Variants in GARNL3 observed in about 807,000 individuals in gnomAD.
The protein encoded by GARNL3 is GTPase activating Rap/RanGAP domain like 3.
In GARNL3, 63 loss-of-function variants were observed where a neutral mutation model predicts 125.0. That is an observed-to-expected ratio of 0.50 (90% confidence interval 0.41 to 0.62). GARNL3 has a LOEUF of 0.62. Ranked by LOEUF, GARNL3 falls within the 20% of genes least tolerant of loss-of-function variation. The pLI is 0.00. For synonymous variants in GARNL3, 439 were observed against 457.5 expected (o/e 0.96, Z 0.52); for missense variants, 994 against 1,244.0 (o/e 0.80, Z 3.02).
intron 6 of GARNL3, among the ~76,000 whole-genome samples, chr9:127,322,436 CCTATTTATATCA>C (rs1377503199): frequency 1.3e-5 from 2 of 152,128 alleles, no homozygotes; most frequent in Non-Finnish European, 2.9e-5. Context: ...CAGCATTCTG[CCTATTTATATCA>C]CAACTCTGTG....
chr9:127,387,926 G>A (rs368057428), intron 25 of GARNL3, among the ~76,000 whole-genome samples: 8 of 151,934 alleles, frequency 5.3e-5, no homozygotes, highest in African/African-American at 1.5e-4. Context: ...CAGATGGATC[G>A]CTTGAGCCCA....
At chr9:127,271,600 ATTC>A (rs1195510261) in intron 1 of GARNL3, among the ~76,000 whole-genome samples, 1 of 150,430 alleles carries the variant, frequency 6.6e-6, no homozygotes, top group Non-Finnish European at 1.5e-5. Flanking sequence ...ACCATCAACC[ATTC>A]TTCATCACTT....
At chr9:127,286,545 T>C (rs1192194334) in intron 1 of GARNL3, among the ~76,000 whole-genome samples, 1 of 152,246 alleles carries the variant, frequency 6.6e-6, no homozygotes, top group Non-Finnish European at 1.5e-5. Flanking sequence ...CAAACTGATA[T>C]TCTGATTTAC....
At chr9:127,304,303 G>A (rs1261531488) in intron 2 of GARNL3, among the ~76,000 whole-genome samples, 2 of 152,136 alleles carry the variant, frequency 1.3e-5, no homozygotes, top group Non-Finnish European at 2.9e-5. Flanking sequence ...AGAACTGCAA[G>A]GACTGAAAAG....
At chr9:127,375,467 G>GAAAAAAAAAAAAAA (rs1176190521) in intron 22 of GARNL3, among the ~76,000 whole-genome samples, 2 of 78,088 alleles carry the variant, frequency 2.6e-5, no homozygotes, top group Non-Finnish European at 5.5e-5. Flanking sequence ...CTCTGTCTCA[G>GAAAAAAAAAAAAAA]AAAAAAAAAA....
exon 2 of GARNL3, chr9:127,243,196 G>A (rs1002912513): frequency 7.3e-7 from 1 of 1,366,588 alleles, no homozygotes; most frequent in Non-Finnish European, 9.8e-7. Context: ...TCGGCATCCA[G>A]CCCCTTCAGA....
At chr9:127,308,863 A>T (rs1183717463) in intron 2 of GARNL3, among the ~76,000 whole-genome samples, 1 of 152,172 alleles carries the variant, frequency 6.6e-6, no homozygotes, top group Non-Finnish European at 1.5e-5. Context: ...GTTCAGAAAA[A>T]ATATTGTATA....
At chr9:127,377,185 T>C (rs1831963509) in intron 22 of GARNL3, among the ~76,000 whole-genome samples, 1 of 152,234 alleles carries the variant, frequency 6.6e-6, no homozygotes. Flanking sequence ...CACAGTATGA[T>C]GCTGGTGCAA....
chr9:127,382,451 GA>G (rs899696705), intron 22 of GARNL3, among the ~76,000 whole-genome samples: 8 of 147,452 alleles, frequency 5.4e-5, no homozygotes, highest in East Asian at 2.0e-4. Context: ...TGTCTCTACT[GA>G]AAAAAAAAAA....
rs140251272 is a variant in GARNL3, at chr9:127,354,383, A to G, written c.1732A>G (p.Arg578Gly). 6.2e-7 allele frequency: 1 copy of G among 1,612,240 alleles called. No individual in the cohort carries two copies. The highest frequency in any genetic ancestry group is 8.5e-7 in the Non-Finnish European group (1 of 1,178,528). ...KQAGKSRSDC[R>G]ENKLEKTKGC... The stretch of plus-strand genomic sequence containing the variant: ...GGCTGGGAAGAGCAGGTCTGACTGC[A>G]GAGAAAACAAGTTGGAGAAAACAAA... Residue 578 changes from arginine (R) to glycine (G), a missense_variant, in exon 19 of 28, where the codon AGA (arginine) becomes GGA (glycine). Physicochemically the swap from Arg to Gly is moderately radical, Grantham distance 125. Around this residue, in one of 5 missense-constraint regions of GARNL3, gnomAD observed 728 missense variants for 865.7 expected, o/e 0.84. Transcript: ENST00000373387.
intron 1 of GARNL3, among the ~76,000 whole-genome samples, chr9:127,271,241 T>C (rs937458716): frequency 6.0e-5 from 9 of 150,372 alleles, no homozygotes; most frequent in African/African-American, 2.0e-4. Flanking sequence ...CTCTGTACTT[T>C]TTTAAATACC....
At chr9:127,355,614 T>A (rs1296135230) in intron 20 of GARNL3, 142 bp downstream of exon 20, 5 of 753,832 alleles carry the variant, frequency 6.6e-6, no homozygotes, top group Non-Finnish European at 1.1e-5. Flanking sequence ...CTGGTGCCCT[T>A]GTTTCCCCCA....
intron 21 of GARNL3, among the ~76,000 whole-genome samples, chr9:127,359,351 C>G (rs1830858075): frequency 6.6e-6 from 1 of 152,130 alleles, no homozygotes; most frequent in African/African-American, 2.4e-5. Context: ...TTAGCCGGGT[C>G]TGGTGGCACA....
intron 4 of GARNL3, among the ~76,000 whole-genome samples, chr9:127,317,715 C>CAAAA (rs1564133976): frequency 6.6e-6 from 1 of 150,516 alleles, no homozygotes; most frequent in African/African-American, 2.5e-5. Flanking sequence ...GACTCTGTCT[C>CAAAA]AAAAACAAAA....
chr9:127,275,105 C>T (rs998834259), intron 1 of GARNL3, among the ~76,000 whole-genome samples: 1 of 152,110 alleles, frequency 6.6e-6, no homozygotes, highest in Non-Finnish European at 1.5e-5. Flanking sequence ...TGTAATATAC[C>T]TTTATGTACT....
At chr9:127,225,412 GA>G (rs1459824327) in intron 1 of GARNL3, 7 of 978,900 alleles carry the variant, frequency 7.2e-6, no homozygotes, top group Non-Finnish European at 8.5e-6. Flanking sequence ...AGGTACTGCG[GA>G]CGGGGAGGGG....
intron 23 of GARNL3, 95 bp downstream of exon 23, chr9:127,383,640 C>A: frequency 5.6e-6 from 4 of 715,848 alleles, no homozygotes; most frequent in Non-Finnish European, 7.1e-6. Flanking sequence ...TGGCTTACTG[C>A]GAAATTGCTA....
rs914963672 is a variant in GARNL3 at position 127,385,520 on chromosome 9, A to G, written c.2388+375A>G. On this transcript the variant is annotated intron_variant, in intron 24 of 27. Coordinates refer to ENST00000373387, the MANE Select transcript of GARNL3 (RefSeq NM_032293.5). This position sits in a 1 kb window ranked among gnomAD's most constrained non-coding sequence, Gnocchi z 4.1. ...AATCTTTCTTCCTTTCCCACCCTCT[A>G]TCCTCAGTTTGAATTCTTAGCCTAT... Among the ~76,000 whole-genome samples the G allele has an allele frequency of 6.6e-6, 1 of 152,148 alleles. No individual in the cohort carries two copies. Among genetic ancestry groups the G allele is most frequent in the Non-Finnish European group, 1.5e-5 (1 of 68,018 alleles).
At chr9:127,349,723 A>G (rs758692224) in intron 17 of GARNL3, among the ~76,000 whole-genome samples, 1 of 152,212 alleles carries the variant, frequency 6.6e-6, no homozygotes, top group East Asian at 1.9e-4. Flanking sequence ...CAGACCCTGA[A>G]TGAATGACAG....
Sources: allele counts gnomAD v4.1 joint callset (sites outside exome capture counted in the v4.1 genomes callset), GRCh38; gene constraint gnomAD v4.1.1; regional missense constraint gnomAD v4.1.1; non-coding constraint Gnocchi (gnomAD v3.1); transcripts MANE v1.5; gene names NCBI Gene and HGNC (gene_info 2026-07-23, HGNC 2026-07-21).